The following MARCHF1 variants were observed in gnomAD, a reference collection of about 807,000 sequenced individuals.
MARCHF1 encodes membrane associated ring-CH-type finger 1, also known as E3 ubiquitin-protein ligase MARCHF1.
A neutral mutation model predicts 54.2 loss-of-function variants in MARCHF1; 40 were observed. That is an observed-to-expected ratio of 0.74 (90% CI 0.57 to 0.96). MARCHF1 has a LOEUF of 0.96. MARCHF1 is among the 40% of genes least tolerant of loss of function. The pLI is 0.00. For missense variants in MARCHF1, 586 were observed against 656.5 expected, an observed-to-expected ratio of 0.89 and a Z score of 1.17; for synonymous variants, 236 against 236.3, an observed-to-expected ratio of 1.00 and a Z score of 0.01.
intron 1 of MARCHF1, among the ~76,000 whole-genome samples, chr4:164,179,525 G>A (rs989731122): frequency 6.6e-6 from 1 of 152,056 alleles, no homozygotes; most frequent in Non-Finnish European, 1.5e-5. Flanking sequence ...AGAAACCACT[G>A]AAAATACAAT....
In MARCHF1 at chr4:164,189,078, T is replaced by C. The variant is rs189536115; in HGVS notation, c.-322-77416A>G. ...GTGGCAGAACCTTCAATGCGTCTCC[T>C]CTCACCATTGACAATGGTGTCTTCG... On this transcript the variant is annotated intron_variant, in intron 1 of 9. Transcript: ENST00000514618. 1.7e-3 allele frequency: 1,180 copies of C among 689,906 alleles called. 13 individuals carry two copies. Among genetic ancestry groups the C allele is most frequent in the Non-Finnish European group, 3.3e-4 (123 of 376,802 alleles). The allele number at this position is 689,906 out of a possible 1,614,324, so 42.7% of individuals were successfully genotyped here.
intron 9 of MARCHF1, among the ~76,000 whole-genome samples, chr4:163,535,684 GTAGT>G (rs977844182): frequency 6.6e-6 from 1 of 151,892 alleles, no homozygotes; most frequent in Non-Finnish European, 1.5e-5. Flanking sequence ...GCATCAAACG[GTAGT>G]TAGTAATAAA....
chr4:163,551,245 C>T (rs143024518), intron 8 of MARCHF1, among the ~76,000 whole-genome samples: 8 of 152,196 alleles, frequency 5.3e-5, no homozygotes, highest in Admixed American at 5.2e-4. Flanking sequence ...TTTTGTTTTA[C>T]TTTTCAAATT....
At chr4:163,671,452 C>T (rs749525827) in intron 5 of MARCHF1, among the ~76,000 whole-genome samples, 4 of 152,010 alleles carry the variant, frequency 2.6e-5, no homozygotes, top group Non-Finnish European at 4.4e-5. Context: ...AATAGTTATC[C>T]GACTTACTTT....
intron 1 of MARCHF1, among the ~76,000 whole-genome samples, chr4:164,369,372 C>T (rs1161778567): frequency 6.6e-6 from 1 of 152,164 alleles, no homozygotes; most frequent in Admixed American, 6.5e-5. Context: ...AAATTGGACA[C>T]CATGATTTCA....
chr4:164,373,634 C>T (rs919919540), intron 1 of MARCHF1, among the ~76,000 whole-genome samples: 4 of 151,842 alleles, frequency 2.6e-5, no homozygotes, highest in African/African-American at 4.8e-5. Context: ...AGATTACAGG[C>T]GTGAGTCACC....
chr4:163,881,244 G>C (rs1041392008), intron 3 of MARCHF1, among the ~76,000 whole-genome samples: 1 of 152,170 alleles, frequency 6.6e-6, no homozygotes, highest in Non-Finnish European at 1.5e-5. Flanking sequence ...GGAGGCCGAG[G>C]CGGGCGGATT....
intron 1 of MARCHF1, among the ~76,000 whole-genome samples, chr4:164,193,176 G>T (rs184882160): frequency 2.3e-4 from 35 of 151,986 alleles, no homozygotes; most frequent in Admixed American, 1.3e-4. Flanking sequence ...CACTCCCACT[G>T]GTGCCATGAC....
chr4:163,812,171 C>G (rs902668919), intron 4 of MARCHF1, among the ~76,000 whole-genome samples: 1 of 152,044 alleles, frequency 6.6e-6, no homozygotes, highest in African/African-American at 2.4e-5. Context: ...TTGCAGTTCA[C>G]AGATCCTGGG....
At chr4:163,589,342 C>G (rs1287742978) in intron 7 of MARCHF1, among the ~76,000 whole-genome samples, 1 of 152,102 alleles carries the variant, frequency 6.6e-6, no homozygotes, top group Non-Finnish European at 1.5e-5. Context: ...TGAAGCACCA[C>G]TAACAACATC....
chr4:164,220,877 A>C (rs1732091825), intron 1 of MARCHF1, among the ~76,000 whole-genome samples: 1 of 151,296 alleles, frequency 6.6e-6, no homozygotes, highest in Admixed American at 6.6e-5. Flanking sequence ...CATTTATTTA[A>C]AAAAACAAAA....
intron 1 of MARCHF1, among the ~76,000 whole-genome samples, chr4:164,145,150 T>C (rs1203939602): frequency 6.6e-6 from 1 of 151,088 alleles, no homozygotes; most frequent in African/African-American, 2.4e-5. Context: ...AATAGACCAA[T>C]AACAGGAGCT....
intron 2 of MARCHF1, among the ~76,000 whole-genome samples, chr4:164,067,081 C>T (rs1754746433): frequency 6.6e-6 from 1 of 152,060 alleles, no homozygotes; most frequent in African/African-American, 2.4e-5. Context: ...GCTTTTGCTG[C>T]ATCCCCTAAG....
intron 3 of MARCHF1, among the ~76,000 whole-genome samples, chr4:163,861,347 A>T (rs1209655637): frequency 6.6e-6 from 1 of 152,138 alleles, no homozygotes; most frequent in Non-Finnish European, 1.5e-5. Flanking sequence ...GTACAACCAG[A>T]ATACCAGAAG....
rs541885422 is a variant in MARCHF1 at position 164,026,414 on chromosome 4, G to C, written c.-247-37705C>G. Among the ~76,000 whole-genome samples the C allele has an allele frequency of 9.2e-5, 14 of 152,266 alleles. No homozygotes were observed. The South Asian group carries it at 1.5e-3, about 16-fold the overall frequency. Reference sequence around the variant, plus strand: ...ATCAGGTAAACTTGCTTCCTGGGATGCAAGACTTGTTCAGCAAATACAAAT... The same window carrying C: ...ATCAGGTAAACTTGCTTCCTGGGATCCAAGACTTGTTCAGCAAATACAAAT... On this transcript the variant is annotated intron_variant, in intron 2 of 9. Transcript: ENST00000514618.
intron 8 of MARCHF1, among the ~76,000 whole-genome samples, chr4:163,572,311 C>T (rs1182452194): frequency 9.4e-6 from 1 of 106,648 alleles, no homozygotes; most frequent in Non-Finnish European, 1.9e-5. Flanking sequence ...TGTTAGGTCT[C>T]TTTCTTCCTT....
chr4:164,276,801 TAGA>T (rs1423400408), intron 1 of MARCHF1, among the ~76,000 whole-genome samples: 7 of 149,410 alleles, frequency 4.7e-5, no homozygotes, highest in Non-Finnish European at 7.4e-5. Context: ...TATTTCTGAG[TAGA>T]AGAATATGAG....
chr4:164,076,925 G>A (rs754351134), intron 2 of MARCHF1, among the ~76,000 whole-genome samples: 2 of 152,132 alleles, frequency 1.3e-5, no homozygotes, highest in Non-Finnish European at 2.9e-5. Flanking sequence ...TGGATAGGAA[G>A]AATCAGTATC....
intron 1 of MARCHF1, among the ~76,000 whole-genome samples, chr4:164,139,688 A>G (rs1318822780): frequency 6.6e-6 from 1 of 152,196 alleles, no homozygotes; most frequent in African/African-American, 2.4e-5. Flanking sequence ...GCGCAGGAGT[A>G]GAAAATGTCT....
Sources: allele counts gnomAD v4.1 joint callset (sites outside exome capture counted in the v4.1 genomes callset), GRCh38; gene constraint gnomAD v4.1.1; transcripts MANE v1.5; gene names NCBI Gene and HGNC (gene_info 2026-07-23, HGNC 2026-07-21).